The following EIF4E3 variants were observed in gnomAD, a reference collection of about 807,000 sequenced individuals.
The protein encoded by EIF4E3 is eukaryotic translation initiation factor 4E type 3.
EIF4E3 carries 26 observed loss-of-function variants against 31.7 expected under a neutral mutation model. The observed-to-expected ratio is 0.82, with a 90% CI of 0.60 to 1.14. The LOEUF (loss-of-function observed/expected upper bound fraction) is 1.14, where lower values mean the gene tolerates loss of function less well. Among genes scored for constraint, EIF4E3 ranks in the 50% most tolerant of loss-of-function variants. EIF4E3 has a pLI of 0.00. For synonymous variants in EIF4E3, 128 were observed against 107.7 expected (o/e 1.19, Z -1.17); for missense variants, 304 against 270.9 (o/e 1.12, Z -0.86).
chr3:71,719,222 G>T (rs1166495073), intron 1 of EIF4E3, among the ~76,000 whole-genome samples: 1 of 152,204 alleles, frequency 6.6e-6, no homozygotes, highest in Non-Finnish European at 1.5e-5. Context: ...GGCCCAAGGT[G>T]TAGTCATGTT....
At chr3:71,691,847 G>A (rs1028191942) in intron 5 of EIF4E3, among the ~76,000 whole-genome samples, 1 of 152,114 alleles carries the variant, frequency 6.6e-6, no homozygotes, top group Non-Finnish European at 1.5e-5. Flanking sequence ...AGAGATCAAT[G>A]TTATATTTTA....
intron 2 of EIF4E3, among the ~76,000 whole-genome samples, chr3:71,707,842 G>A (rs2049316570): frequency 6.6e-6 from 1 of 151,094 alleles, no homozygotes; most frequent in African/African-American, 2.4e-5. Context: ...ACTCAGGAAA[G>A]TGGTTCATTT....
upstream of EIF4E3, among the ~76,000 whole-genome samples, chr3:71,729,566 T>C (rs1453663269): frequency 6.6e-6 from 1 of 152,218 alleles, no homozygotes; most frequent in African/African-American, 2.4e-5. Flanking sequence ...GGACTGGACA[T>C]GCTAATGGTC....
Position 71,682,085 on chromosome 3 carries a change from G to C in EIF4E3, c.*2597C>G, listed in dbSNP as rs1032472028. 6.6e-6 allele frequency: 1 copy of C among 152,192 alleles called. No homozygotes were observed. Among genetic ancestry groups the C allele is most frequent in the Non-Finnish European group, 1.5e-5 (1 of 68,040 alleles). 9.4% of individuals were successfully genotyped at this position (152,192 alleles called of 1,614,324 possible). A position where few individuals can be genotyped will look rare whatever the true frequency, so the allele number is the denominator to read the frequency against. ...CGAAAGACAGTCAAAATATAGGCAA[G>C]TTACTTTAAATGGGTATTATTTGTC... On this transcript the variant is annotated 3_prime_UTR_variant, in exon 7 of 7. Transcript: ENST00000425534.
chr3:71,751,272 G>T (rs886669082), intron 1 of EIF4E3, among the ~76,000 whole-genome samples: 3 of 152,074 alleles, frequency 2.0e-5, no homozygotes, highest in Non-Finnish European at 2.9e-5. Context: ...ACACTTACTT[G>T]AAAGTAAGTG....
chr3:71,747,310 A>G (rs955230264), intron 1 of EIF4E3, among the ~76,000 whole-genome samples: 1 of 152,212 alleles, frequency 6.6e-6, no homozygotes, highest in African/African-American at 2.4e-5. Flanking sequence ...TACATTTTTG[A>G]TAATAGCCAC....
rs767537876 is a variant in EIF4E3, at chr3:71,690,104, C to A, written c.534G>T (p.Trp178Cys). Residue 178 changes from tryptophan to cysteine, a missense_variant, in exon 6 of 7, where the codon TGG (tryptophan) becomes TGT (cysteine). Trp to Cys is a radical substitution (Grantham distance 215). Transcript: ENST00000425534. ...VRDREDVVQV[W>C]NVNASLVGEA... is the part of the protein sequence containing the mutation. ...CACCCACTAAAGAGGCATTTACATT[C>A]CAGACTTGGACGACGTCTTCTCGGT... The A allele has an allele frequency of 6.2e-7, 1 of 1,613,806 alleles. No homozygotes were observed. The highest frequency in any genetic ancestry group is 8.5e-7 in the Non-Finnish European group (1 of 1,179,922).
chr3:71,668,664 T>C, the EIF4E3 span, among the ~76,000 whole-genome samples: 1 of 152,232 alleles, frequency 6.6e-6, no homozygotes, highest in African/African-American at 2.4e-5. Flanking sequence ...TCATTGGTGA[T>C]TAGAGAAATG....
chr3:71,725,290 G>GGCGGCA lies in EIF4E3; in HGVS notation c.72_77dup (p.Ala26_Ala27dup), dbSNP rs1455773976. The GGCGGCA allele has an allele frequency of 2.0e-6, 2 of 1,001,882 alleles. No homozygotes were observed. The highest frequency in any genetic ancestry group is 3.5e-5 in the African/African-American group (2 of 56,966). 62.1% of individuals were successfully genotyped at this position (1,001,882 alleles called of 1,614,324 possible). ...GCAGGCCGAGCGGCGGCTCGGGGGC[G>GGCGGCA]GCGGCAGCGGCGGCGGCGCGGGACC... On this transcript the variant is annotated inframe_insertion, in exon 1 of 7. Coordinates refer to ENST00000425534, the MANE Select transcript of EIF4E3 (RefSeq NM_001134651.2). This position sits in a 1 kb window ranked among gnomAD's most constrained non-coding sequence, Gnocchi z 6.1.
intron 1 of EIF4E3, among the ~76,000 whole-genome samples, chr3:71,724,756 G>A (rs2049604606): frequency 6.6e-6 from 1 of 152,164 alleles, no homozygotes; most frequent in Non-Finnish European, 1.5e-5. Context: ...CAAGGGATGG[G>A]CAACTTTTCC....
At chr3:71,698,234 ACATGGG>A (rs2049166992) in intron 3 of EIF4E3, among the ~76,000 whole-genome samples, 1 of 152,226 alleles carries the variant, frequency 6.6e-6, no homozygotes, top group Non-Finnish European at 1.5e-5. Context: ...TTCAGTGGCT[ACATGGG>A]CAGGGAGGGT....
intron 1 of EIF4E3, among the ~76,000 whole-genome samples, chr3:71,714,209 T>C (rs2049425039): frequency 4.3e-5 from 5 of 117,234 alleles, no homozygotes. Context: ...CAAAACTCCA[T>C]CTCAAAAAAA....
chr3:71,719,322 T>A (rs6775276), intron 1 of EIF4E3, among the ~76,000 whole-genome samples: 58,334 of 152,016 alleles, frequency 0.38, 12,219 homozygotes, highest in African/African-American at 0.55. Flanking sequence ...AAGTTTGGAT[T>A]TCTATGGCAT....
chr3:71,663,040 G>A, the EIF4E3 span, among the ~76,000 whole-genome samples: 4 of 152,216 alleles, frequency 2.6e-5, no homozygotes, highest in South Asian at 2.1e-4. Context: ...TCTAGCCCAT[G>A]AATACTCAAA....
chr3:71,726,919 GT>G (rs1233615201), upstream of EIF4E3, among the ~76,000 whole-genome samples: 3 of 152,156 alleles, frequency 2.0e-5, no homozygotes, highest in African/African-American at 7.2e-5. Context: ...ATATGGCATT[GT>G]TTAAACTGCT....
chr3:71,710,330 G>C, intron 2 of EIF4E3, 82 bp downstream of exon 2: 2 of 1,461,420 alleles, frequency 1.4e-6, no homozygotes, highest in Non-Finnish European at 1.9e-6. Flanking sequence ...GGGGCTGCCA[G>C]CACAGCAACA....
In EIF4E3 at chr3:71,690,119, G is replaced by A. The variant is rs755715489; in HGVS notation, c.519C>T (p.Asp173=). The A allele has an allele frequency of 9.9e-6, 16 of 1,613,378 alleles. No homozygotes were observed. The highest frequency in any genetic ancestry group is 1.1e-5 in the South Asian group (1 of 91,046). ...GVSVSVRDRE[D]VVQVWNVNAS... is the part of the protein sequence containing the mutation. ...CATTTACATTCCAGACTTGGACGAC[G>A]TCTTCTCGGTCCCGAACACTGACAC... The change falls in exon 6 of 7, where the codon GAC becomes GAT. Residue 173 remains aspartate (D), a synonymous_variant. Transcript: ENST00000425534.
At chr3:71,717,436 A>T (rs759193049) in intron 1 of EIF4E3, among the ~76,000 whole-genome samples, 1 of 152,256 alleles carries the variant, frequency 6.6e-6, no homozygotes, top group Non-Finnish European at 1.5e-5. Flanking sequence ...TATGTGAAGG[A>T]CAGTTCTGTA....
intron 6 of EIF4E3, 29 bp downstream of exon 6, chr3:71,689,981 A>G: frequency 6.4e-7 from 1 of 1,568,028 alleles, no homozygotes; most frequent in South Asian, 1.2e-5. Context: ...AGTAAGCTAG[A>G]AAGTAATAAC....
Sources: gnomAD v4.1 joint callset for allele counts (sites outside exome capture counted in the v4.1 genomes callset) on GRCh38, gnomAD v4.1.1 for gene constraint, Gnocchi (gnomAD v3.1) non-coding constraint, MANE v1.5 for transcripts, NCBI Gene and HGNC (gene_info 2026-07-23, HGNC 2026-07-21) for gene names.